Variants in RHOBTB1 observed in about 807,000 individuals in gnomAD.
RHOBTB1 encodes the protein rho-related BTB domain-containing protein 1.
A neutral mutation model predicts 71.6 loss-of-function variants in RHOBTB1; 40 were observed. That is an observed-to-expected ratio of 0.56 (90% CI 0.43 to 0.73). RHOBTB1 has a LOEUF of 0.73. Among genes scored for constraint, RHOBTB1 ranks in the 30% least tolerant of loss-of-function variants. The probability of loss-of-function intolerance (pLI) is 0.00; values close to 1 mark genes in which losing one functional copy is unlikely to be tolerated. For synonymous variants in RHOBTB1, 319 were observed against 334.9 expected, an observed-to-expected ratio of 0.95 and a Z score of 0.52; for missense variants, 797 against 894.0, an observed-to-expected ratio of 0.89 and a Z score of 1.38.
chr10:60,996,692 C>T (rs567504123), intron 1 of RHOBTB1, among the ~76,000 whole-genome samples: 37 of 152,212 alleles, frequency 2.4e-4, no homozygotes, highest in Non-Finnish European at 5.3e-4. Context: ...AGCACCCTTA[C>T]TTCTAGAAAC....
chr10:60,931,673 TG>T (rs1408268440), intron 2 of RHOBTB1, among the ~76,000 whole-genome samples: 1 of 152,206 alleles, frequency 6.6e-6, no homozygotes, highest in African/African-American at 2.4e-5. Context: ...ACATGATTTT[TG>T]ATAACACATA....
At chr10:60,926,136 C>T (rs1280728043) in intron 2 of RHOBTB1, among the ~76,000 whole-genome samples, 1 of 152,102 alleles carries the variant, frequency 6.6e-6, no homozygotes, top group Admixed American at 6.5e-5. Context: ...ACTCGGGAGG[C>T]TGAGGCAGGA....
intron 4 of RHOBTB1, among the ~76,000 whole-genome samples, chr10:60,898,268 C>T (rs756995586): frequency 2.0e-5 from 3 of 152,116 alleles, no homozygotes; most frequent in Non-Finnish European, 4.4e-5. Flanking sequence ...TTCTTTGGGG[C>T]TTCAAGCTTC....
intron 9 of RHOBTB1, 61 bp downstream of exon 9, chr10:60,874,893 T>C: frequency 3.5e-6 from 4 of 1,132,308 alleles, no homozygotes; most frequent in Non-Finnish European, 5.4e-6. Flanking sequence ...TGGAATGTTT[T>C]ATCAGCATTA....
chr10:60,878,026 C>T lies in RHOBTB1; in HGVS notation c.1608G>A (p.Met536Ile). The part of the protein sequence containing the change: ...VYLPNINKIS[M>I]QAVLDYLYTK... Reference sequence around the variant, plus strand: ...TATAGAGATAATCCAATACTGCTTGCATTGATATCTTGTTTATGTTCGGGA... The same window carrying T: ...TATAGAGATAATCCAATACTGCTTGTATTGATATCTTGTTTATGTTCGGGA... The change falls in exon 8 of 11, where the codon ATG becomes ATA. Residue 536 changes from methionine (M) to isoleucine (I), a missense_variant. Coordinates refer to ENST00000337910, the MANE Select transcript of RHOBTB1 (RefSeq NM_014836.5). 1.2e-6 allele frequency: 2 copies of T among 1,612,704 alleles called. No individual in the cohort carries two copies. The highest frequency in any genetic ancestry group is 1.7e-6 in the Non-Finnish European group (2 of 1,179,318).
chr10:60,886,281 T>A, intron 6 of RHOBTB1, 51 bp from the exon 7 acceptor site: 1 of 1,388,314 alleles, frequency 7.2e-7, no homozygotes. Flanking sequence ...GCTGAGAGCT[T>A]CAACCAAGGC....
chr10:60,933,297 G>A (rs1331879140), intron 2 of RHOBTB1, among the ~76,000 whole-genome samples: 3 of 152,156 alleles, frequency 2.0e-5, no homozygotes, highest in Non-Finnish European at 2.9e-5. Context: ...TGTGGAAGTG[G>A]AAAATGATAC....
At chr10:60,911,028 G>A in intron 3 of RHOBTB1, 38 bp from the exon 4 acceptor site, 3 of 1,549,378 alleles carry the variant, frequency 1.9e-6, no homozygotes, top group Non-Finnish European at 2.7e-6. Context: ...CTCGGTGTCA[G>A]TCAGAAGTTC....
At chr10:60,866,749 T>C (rs1302215346), downstream of RHOBTB1, among the ~76,000 whole-genome samples, 1 of 152,044 alleles carries the variant, frequency 6.6e-6, no homozygotes, top group Admixed American at 6.5e-5. Flanking sequence ...CTTTCTTCTT[T>C]TCTCCCACCA....
chr10:60,879,513 T>TA (rs1491532942), intron 7 of RHOBTB1, among the ~76,000 whole-genome samples: 54 of 141,510 alleles, frequency 3.8e-4, no homozygotes, highest in African/African-American at 1.2e-3. Context: ...ATTTTATTAA[T>TA]TTTTTTTTTT....
chr10:60,935,729 C>T (rs185602799), intron 2 of RHOBTB1, among the ~76,000 whole-genome samples: 24 of 152,164 alleles, frequency 1.6e-4, no homozygotes, highest in Non-Finnish European at 5.9e-5. Context: ...ATAAATTATA[C>T]CAAAAACAAA....
intron 4 of RHOBTB1, among the ~76,000 whole-genome samples, chr10:60,893,921 T>G (rs1231539192): frequency 6.6e-6 from 1 of 152,194 alleles, no homozygotes; most frequent in East Asian, 1.9e-4. Flanking sequence ...AATGATGACT[T>G]TCAAAACACT....
intron 5 of RHOBTB1, among the ~76,000 whole-genome samples, chr10:60,889,435 A>G (rs1287882647): frequency 1.3e-5 from 2 of 152,200 alleles, no homozygotes; most frequent in African/African-American, 2.4e-5. Context: ...TAAATATTCC[A>G]TGTTTTTATG....
At chr10:60,900,533 C>T (rs140201091) in intron 4 of RHOBTB1, among the ~76,000 whole-genome samples, 49 of 152,268 alleles carry the variant, frequency 3.2e-4, no homozygotes, top group African/African-American at 1.2e-3. Flanking sequence ...TCTTTTCCAC[C>T]GTACTATGAG....
chr10:60,875,544 C>T (rs2081011438), intron 8 of RHOBTB1, among the ~76,000 whole-genome samples: 1 of 152,186 alleles, frequency 6.6e-6, no homozygotes, highest in Non-Finnish European at 1.5e-5. Flanking sequence ...AGACTTTAGA[C>T]ACGTTCCTGT....
Position 60,889,156 on chromosome 10 carries a change from G to T in RHOBTB1, c.512C>A (p.Pro171Gln), listed in dbSNP as rs1437064029. Residue 171 changes from proline (P) to glutamine (Q), a missense_variant, in exon 6 of 11, where the codon CCA becomes CAA. Transcript: ENST00000337910. ...CTTTGCTACCTCTCGGCCTTTTTCT[G>T]GGGGCAAAATATCCCCTCTCTTTAT... ...RPIKRGDILP[P>Q]EKGREVAKEL... 26 of 1,612,252 alleles carry T rather than the reference G, an allele frequency of 1.6e-5. No homozygotes were observed. The highest frequency in any genetic ancestry group is 2.0e-5 in the Non-Finnish European group (23 of 1,179,220).
intron 2 of RHOBTB1, among the ~76,000 whole-genome samples, chr10:60,974,528 T>G (rs1020557597): frequency 6.6e-6 from 1 of 152,098 alleles, no homozygotes; most frequent in Non-Finnish European, 1.5e-5. Flanking sequence ...ACAAGGTTTT[T>G]CTACACATCC....
rs112867303 is a variant in RHOBTB1, at chr10:60,915,159, G to A, written c.-10-3607C>T. On this transcript the variant is annotated intron_variant, in intron 2 of 10. Transcript: ENST00000337910. ...CATTTGTTCATTTGTTACACATAAA[G>A]AAACATTAAATTATGGTAGTAATTA... 9.4e-3 allele frequency among the ~76,000 whole-genome samples: 1,424 copies of A among 152,278 alleles called. 14 individuals carry two copies. Among genetic ancestry groups the A allele is most frequent in the Non-Finnish European group, 0.016 (1,063 of 68,012 alleles).
In RHOBTB1 at chr10:60,872,251, G is replaced by A. The variant is rs770016280; in HGVS notation, c.1855C>T (p.His619Tyr). ...ACACTGTTGTAGTTGGTGCAGATGT[G>A]GTGCAAACACCAGGCGGCCAACTGG... ...AHQLAAWCLHHICTNYNSVCS... is the reference protein window; with the variant it reads ...AHQLAAWCLHYICTNYNSVCS... The change falls in exon 10 of 11, where the codon CAC (histidine) becomes TAC (tyrosine). Residue 619 changes from histidine to tyrosine, a missense_variant. Around this residue, in one of 2 missense-constraint regions of RHOBTB1, gnomAD observed 658 missense variants for 681.5 expected, o/e 0.97. Coordinates refer to ENST00000337910, the MANE Select transcript of RHOBTB1 (RefSeq NM_014836.5). 23 of 1,614,058 alleles carry A rather than the reference G, an allele frequency of 1.4e-5. No individual in the cohort carries two copies. Among genetic ancestry groups the A allele is most frequent in the Non-Finnish European group, 1.7e-5 (20 of 1,179,970 alleles).
Sources: allele counts gnomAD v4.1 joint callset (sites outside exome capture counted in the v4.1 genomes callset), GRCh38; gene constraint gnomAD v4.1.1; regional missense constraint gnomAD v4.1.1; transcripts MANE v1.5; gene names NCBI Gene and HGNC (gene_info 2026-07-23, HGNC 2026-07-21).